The following CNIH3 variants were observed in gnomAD, a reference collection of about 807,000 sequenced individuals.
CNIH3 encodes cornichon family AMPA receptor auxiliary protein 3.
Under a neutral mutation model 24.1 loss-of-function variants are expected in CNIH3, and 14 were observed. The ratio of observed to expected loss-of-function variants is 0.58; its 90% CI spans 0.38 to 0.91. The LOEUF (loss-of-function observed/expected upper bound fraction) is 0.91. CNIH3 is among the 40% of genes least tolerant of loss of function. The pLI is 0.00. For missense variants in CNIH3, 178 were observed against 196.8 expected (o/e 0.90, Z 0.57); for synonymous variants, 68 against 73.8 (o/e 0.92, Z 0.40).
At chr1:224,714,913 T>C (rs1370918542) in intron 3 of CNIH3, among the ~76,000 whole-genome samples, 1 of 152,226 alleles carries the variant, frequency 6.6e-6, no homozygotes, top group Non-Finnish European at 1.5e-5. Flanking sequence ...AAACCTAATG[T>C]TCAGTCTTCG....
intron 1 of CNIH3, among the ~76,000 whole-genome samples, chr1:224,496,861 A>T (rs1174472109): frequency 6.6e-6 from 1 of 152,246 alleles, no homozygotes; most frequent in Non-Finnish European, 1.5e-5. Flanking sequence ...TTTCAGATAT[A>T]TAAAAACTCT....
chr1:224,476,700 T>C (rs1170988326), intron 1 of CNIH3, among the ~76,000 whole-genome samples: 1 of 151,986 alleles, frequency 6.6e-6, no homozygotes, highest in Non-Finnish European at 1.5e-5. Context: ...ACTGGAAGAA[T>C]CAATATTATT....
At chr1:224,689,179 C>T (rs1243537179) in intron 3 of CNIH3, among the ~76,000 whole-genome samples, 1 of 152,088 alleles carries the variant, frequency 6.6e-6, no homozygotes, top group Non-Finnish European at 1.5e-5. Flanking sequence ...TGCCTCTGCC[C>T]TTATTATCCA....
chr1:224,733,369 G>A (rs1333700801), intron 4 of CNIH3, among the ~76,000 whole-genome samples: 5 of 152,180 alleles, frequency 3.3e-5, no homozygotes, highest in Non-Finnish European at 7.3e-5. Context: ...GAGGTCACCT[G>A]GGAATAAAAC....
upstream of CNIH3, among the ~76,000 whole-genome samples, chr1:224,512,337 C>T (rs1316025835): frequency 3.3e-5 from 5 of 152,112 alleles, no homozygotes; most frequent in East Asian, 5.8e-4. Flanking sequence ...AAAAAATTAG[C>T]GAGGCATGGT....
downstream of CNIH3, among the ~76,000 whole-genome samples, chr1:224,542,363 A>G (rs1033666562): frequency 6.6e-6 from 1 of 152,204 alleles, no homozygotes; most frequent in Non-Finnish European, 1.5e-5. Flanking sequence ...TGATTGGACT[A>G]ACAGAGTACC....
At chr1:224,453,586 A>T (rs1292525164) in intron 1 of CNIH3, among the ~76,000 whole-genome samples, 2 of 150,540 alleles carry the variant, frequency 1.3e-5, no homozygotes, top group African/African-American at 4.9e-5. Flanking sequence ...AACTTTGGAT[A>T]TTTCACTGTG....
At chr1:224,535,411 G>A (rs1338166694) in intron 2 of CNIH3, among the ~76,000 whole-genome samples, 3 of 152,198 alleles carry the variant, frequency 2.0e-5, no homozygotes, top group African/African-American at 7.2e-5. Context: ...AAGAGAATAA[G>A]CTTATGTTGT....
At chr1:224,483,583 G>A (rs551444809) in intron 1 of CNIH3, among the ~76,000 whole-genome samples, 1 of 150,166 alleles carries the variant, frequency 6.7e-6, no homozygotes, top group Non-Finnish European at 1.5e-5. Flanking sequence ...TTTTAGTAGA[G>A]ACGAGGTCTC....
intron 1 of CNIH3, among the ~76,000 whole-genome samples, chr1:224,455,909 C>T (rs1675629835): frequency 6.6e-6 from 1 of 152,158 alleles, no homozygotes; most frequent in African/African-American, 2.4e-5. Context: ...AGTGTATTGT[C>T]ATATTGAATA....
chr1:224,711,785 A>G (rs572003051), intron 3 of CNIH3, among the ~76,000 whole-genome samples: 18 of 106,388 alleles, frequency 1.7e-4, no homozygotes, highest in Admixed American at 1.1e-3. Context: ...ACAGAGCCAG[A>G]CCCTGTCTCA....
intron 1 of CNIH3, among the ~76,000 whole-genome samples, chr1:224,651,076 CA>C (rs1684836499): frequency 1.3e-5 from 2 of 152,140 alleles, no homozygotes; most frequent in Non-Finnish European, 2.9e-5. Flanking sequence ...CACACACACA[CA>C]CACGCACAAA....
chr1:224,698,615 T>C (rs1687306048), intron 3 of CNIH3, among the ~76,000 whole-genome samples: 2 of 152,258 alleles, frequency 1.3e-5, no homozygotes, highest in South Asian at 4.1e-4. Context: ...ACAGTGGTGA[T>C]ACCAATTGCC....
chr1:224,608,596 A>C (rs551625146), intron 3 of CNIH3, among the ~76,000 whole-genome samples: 5 of 152,322 alleles, frequency 3.3e-5, no homozygotes, highest in African/African-American at 9.6e-5. Context: ...AGATAACATA[A>C]CTGGTTAGGT....
chr1:224,515,639 A>G (rs1415919154), upstream of CNIH3: 1 of 152,170 alleles, frequency 6.6e-6, no homozygotes, highest in Non-Finnish European at 1.5e-5. Flanking sequence ...TTCAATCCAC[A>G]GTTTCTTTTT....
intron 1 of CNIH3, among the ~76,000 whole-genome samples, chr1:224,646,980 G>A (rs892788530): frequency 2.0e-5 from 3 of 152,038 alleles, no homozygotes; most frequent in Non-Finnish European, 2.9e-5. Context: ...ACATGGCCCC[G>A]TCACTTTTTT....
intron 1 of CNIH3, among the ~76,000 whole-genome samples, chr1:224,481,834 T>G (rs1210635720): frequency 6.6e-6 from 1 of 152,216 alleles, no homozygotes; most frequent in Admixed American, 6.5e-5. Flanking sequence ...ATACTCCCCT[T>G]AAGAGCGGTG....
At chr1:224,583,477 C>A (rs899221758) in intron 5 of CNIH3, among the ~76,000 whole-genome samples, 50 of 152,248 alleles carry the variant, frequency 3.3e-4, no homozygotes, top group African/African-American at 1.2e-3. Context: ...CACCCATCAA[C>A]TCTCCCGTTC....
At chr1:224,483,296 G>A (rs1676885825) in intron 1 of CNIH3, among the ~76,000 whole-genome samples, 1 of 152,140 alleles carries the variant, frequency 6.6e-6, no homozygotes, top group African/African-American at 2.4e-5. Flanking sequence ...GTTGCAGTGA[G>A]CTGAGATTGC....
Sources: allele counts gnomAD v4.1 joint callset (sites outside exome capture counted in the v4.1 genomes callset), GRCh38; gene constraint gnomAD v4.1.1; transcripts MANE v1.5; gene names NCBI Gene and HGNC (gene_info 2026-07-23, HGNC 2026-07-21).